Variants in NSD2 observed in about 807,000 individuals in gnomAD.
NSD2 encodes nuclear receptor binding SET domain protein 2.
NSD2 carries 12 observed loss-of-function variants against 139.0 expected under a neutral mutation model. The observed-to-expected ratio is 0.09, with a 90% CI of 0.06 to 0.14. NSD2 has a LOEUF of 0.14. NSD2 is among the 10% of genes least tolerant of loss of function. NSD2 has a pLI of 1.00. For missense variants in NSD2, 1,155 were observed against 1,745.0 expected (o/e 0.66, Z 6.02); for synonymous variants, 669 against 648.7 (o/e 1.03, Z -0.48).
chr4:1,888,508 G>A (rs1048750872), intron 1 of NSD2, among the ~76,000 whole-genome samples: 2 of 150,964 alleles, frequency 1.3e-5, no homozygotes, highest in East Asian at 1.9e-4. Context: ...TATCATTTAG[G>A]TTGGTAATGA....
intron 3 of NSD2, among the ~76,000 whole-genome samples, chr4:1,912,665 C>T (rs912021528): frequency 1.1e-4 from 17 of 151,952 alleles, no homozygotes; most frequent in Non-Finnish European, 2.1e-4. Flanking sequence ...CCCATCTTCC[C>T]TTTCTGCTTC....
intron 12 of NSD2, 144 bp downstream of exon 12, chr4:1,953,668 G>T: frequency 9.1e-7 from 1 of 1,101,912 alleles, no homozygotes; most frequent in East Asian, 2.5e-5. Flanking sequence ...CGGCTGGGTT[G>T]GGTTTTCTTT....
In NSD2 at chr4:1,952,219, G is replaced by A. The variant is rs369991547; in HGVS notation, c.2125G>A (p.Glu709Lys). Residue 709 changes from glutamate (E) to lysine (K), a missense_variant, in exon 11 of 22, where the codon GAG (glutamate) becomes AAG (lysine). Physicochemically the swap from Glu to Lys is moderately conservative, Grantham distance 56 (BLOSUM62 1). Coordinates refer to ENST00000508803, the MANE Select transcript of NSD2 (RefSeq NM_001042424.3). ...GCCAGAAGGGAGGTTCACCTGCAGC[G>A]AGTGTGCCTCAGGCAAGTTCCCACG... The part of the protein sequence containing the change: ...RRPEGRFTCS[E>K]CASGIHSCFV... The A allele has an allele frequency of 8.1e-6, 13 of 1,613,652 alleles. No homozygotes were observed. The highest frequency in any genetic ancestry group is 6.6e-5 in the South Asian group (6 of 91,068).
chr4:1,906,224 A>T (rs180859260), intron 3 of NSD2, among the ~76,000 whole-genome samples: 1 of 151,976 alleles, frequency 6.6e-6, no homozygotes, highest in Non-Finnish European at 1.5e-5. Context: ...TGTTCTTCCT[A>T]TTAGGGCTTA....
In NSD2 at chr4:1,911,587, C is replaced by CAAAAAA. The variant is rs372660600; in HGVS notation, c.761-5269_761-5264dup. ...TGGGCGACAGAGCGAGACGCCATCT[C>CAAAAAA]AAAAAAAAAAAAAAAAAAAAGAAAA... On this transcript the variant is annotated intron_variant, in intron 3 of 21. Transcript: ENST00000508803. Among the ~76,000 whole-genome samples the CAAAAAA allele has an allele frequency of 1.3e-3, 55 of 41,960 alleles. 1 individual carries two copies. The highest frequency in any genetic ancestry group is 2.5e-3 in the Admixed American group (7 of 2,786). The allele number at this position is 41,960 out of a possible 152,430, so 27.5% of individuals were successfully genotyped here.
At chr4:1,970,074 G>A (rs1321283502) in intron 18 of NSD2, among the ~76,000 whole-genome samples, 2 of 152,188 alleles carry the variant, frequency 1.3e-5, no homozygotes, top group Non-Finnish European at 1.5e-5. Context: ...AGAAGGATGC[G>A]AGTGACGCCT....
chr4:1,980,567 G>C lies in NSD2; in HGVS notation c.*1658G>C, dbSNP rs905315798. 2 of 233,238 alleles carry C rather than the reference G, an allele frequency of 8.6e-6. No individual in the cohort carries two copies. The highest frequency in any genetic ancestry group is 1.2e-4 in the East Asian group (2 of 16,584). 14.4% of individuals were successfully genotyped at this position (233,238 alleles called of 1,614,324 possible). A position where few individuals can be genotyped will look rare whatever the true frequency, so the allele number is the denominator to read the frequency against. On this transcript the variant is annotated 3_prime_UTR_variant, in exon 22 of 22. Transcript: ENST00000508803. ...TGCAGTGTCTTTGGACCTGAGAGTGGCTACTCCGTGGTTTTGTGACCTGTA... is the reference window on the plus strand; with the variant it reads ...TGCAGTGTCTTTGGACCTGAGAGTGCCTACTCCGTGGTTTTGTGACCTGTA...
intron 1 of NSD2, among the ~76,000 whole-genome samples, chr4:1,881,178 A>T (rs1307982100): frequency 6.6e-6 from 1 of 152,146 alleles, no homozygotes; most frequent in Non-Finnish European, 1.5e-5. Context: ...CCCGGACTCA[A>T]ATGGTCCTCC....
chr4:1,938,412 C>CTTTGTTTTTTTTTTTTTTTT, intron 7 of NSD2, 39 bp from the exon 8 acceptor site: 1 of 635,586 alleles, frequency 1.6e-6, no homozygotes, highest in Non-Finnish European at 2.0e-6. Flanking sequence ...TTTTTTTTTT[C>CTTTGTTTTTTTTTTTTTTTT]TTTCTTTTTT....
intron 1 of NSD2, chr4:1,899,487 C>T (rs770376132): frequency 6.6e-6 from 1 of 152,232 alleles, no homozygotes; most frequent in East Asian, 1.9e-4. Flanking sequence ...ATTTGAGAAC[C>T]GCTGTTCTAG....
chr4:1,963,909 G>A (rs898363455), intron 18 of NSD2, among the ~76,000 whole-genome samples: 1 of 152,184 alleles, frequency 6.6e-6, no homozygotes, highest in Non-Finnish European at 1.5e-5. Flanking sequence ...GAGGCAGGAG[G>A]ACTGCTTGAG....
rs192035024 is a variant in NSD2 at position 1,974,132 on chromosome 4, A to T, written c.3373-731A>T. On this transcript the variant is annotated intron_variant, in intron 18 of 21. Transcript: ENST00000508803. This position sits in a 1 kb window ranked among gnomAD's most constrained non-coding sequence, Gnocchi z 4.0. ...AAAGTCAGAGCTCACTGTCACTCGG[A>T]TCTGCATTTCTCCACCTCTGCCTGG... Among the ~76,000 whole-genome samples the T allele has an allele frequency of 1.2e-4, 18 of 151,840 alleles. No homozygotes were observed. The highest frequency in any genetic ancestry group is 2.2e-4 in the Non-Finnish European group (15 of 67,978).
rs1724175107 is a variant in NSD2, at chr4:1,951,081, A to G, written c.1891A>G (p.Ser631Gly). ...CCTCCTTCATCTCTAGGTCTCGGAC[A>G]GCCCGGGAGACGAGCCCTCGGAGTC... ...ASLTENEVSD[S>G]PGDEPSESPY... Residue 631 changes from serine to glycine, a missense_variant, in exon 10 of 22, where the codon AGC (serine) becomes GGC (glycine). Physicochemically the swap from Ser to Gly is moderately conservative, Grantham distance 56. This residue lies in a region of NSD2 where 420 missense variants were observed against 469.0 expected (regional missense o/e 0.90). Transcript: ENST00000508803. 1 of 1,614,072 alleles carries G rather than the reference A, an allele frequency of 6.2e-7. No homozygotes were observed. The highest frequency in any genetic ancestry group is 1.3e-5 in the African/African-American group (1 of 74,948).
chr4:1,909,941 C>T (rs1018470076), intron 3 of NSD2, among the ~76,000 whole-genome samples: 14 of 149,104 alleles, frequency 9.4e-5, no homozygotes, highest in African/African-American at 3.2e-4. Flanking sequence ...GCCCGGCACC[C>T]GTTAAAAAAA....
intron 9 of NSD2, chr4:1,946,554 C>T: frequency 2.9e-6 from 3 of 1,017,072 alleles, no homozygotes; most frequent in South Asian, 9.3e-5. Flanking sequence ...CAGGCGTAAG[C>T]CACTGCACCT....
intron 12 of NSD2, 71 bp downstream of exon 12, chr4:1,953,595 G>C: frequency 6.7e-7 from 1 of 1,500,806 alleles, no homozygotes; most frequent in Non-Finnish European, 8.9e-7. Context: ...GGGCGCTTGG[G>C]AAGGTGGGCT....
rs542815968 is a variant in NSD2, at chr4:1,943,840, A to G, written c.1881+4062A>G. 3.0e-4 allele frequency: 322 copies of G among 1,063,354 alleles called. 2 individuals are homozygous for G. Among genetic ancestry groups the G allele is most frequent in the South Asian group, 2.3e-4 (5 of 21,946 alleles). 65.9% of individuals were successfully genotyped at this position (1,063,354 alleles called of 1,614,324 possible). On this transcript the variant is annotated intron_variant, in intron 9 of 21. Coordinates refer to ENST00000508803, the MANE Select transcript of NSD2 (RefSeq NM_001042424.3). ...ACTCTATCTTGAAAGGCTTTTGGTG[A>G]AAATGAAGGGATTTCATTTGAAATT...
At chr4:1,899,587 A>C (rs923405498) in intron 1 of NSD2, among the ~76,000 whole-genome samples, 1 of 152,068 alleles carries the variant, frequency 6.6e-6, no homozygotes, top group Non-Finnish European at 1.5e-5. Context: ...CTGTTGTTGG[A>C]GCTTGTGATG....
intron 1 of NSD2, chr4:1,892,930 C>T (rs1715711434): frequency 6.6e-6 from 1 of 152,110 alleles, no homozygotes; most frequent in Non-Finnish European, 1.5e-5. Flanking sequence ...TATTTTTCAC[C>T]TGAGTGCTCA....
Sources: allele counts gnomAD v4.1 joint callset (sites outside exome capture counted in the v4.1 genomes callset), GRCh38; gene constraint gnomAD v4.1.1; regional missense constraint gnomAD v4.1.1; non-coding constraint Gnocchi (gnomAD v3.1); transcripts MANE v1.5; gene names NCBI Gene and HGNC (gene_info 2026-07-23, HGNC 2026-07-21).